SGCD: variants seen among roughly 807,000 people sequenced by gnomAD.
SGCD encodes the protein delta-sarcoglycan.
SGCD carries 18 observed loss-of-function variants against 36.6 expected under a neutral mutation model. The ratio of observed to expected loss-of-function variants is 0.49; its 90% confidence interval spans 0.34 to 0.73. The LOEUF (loss-of-function observed/expected upper bound fraction) is 0.73, where lower values mean the gene tolerates loss of function less well. Ranked by LOEUF, SGCD falls within the 30% of genes least tolerant of loss-of-function variation. The pLI is 0.01. For missense variants in SGCD, 387 were observed against 346.7 expected, an observed-to-expected ratio of 1.12 and a Z score of -0.92; for synonymous variants, 133 against 130.6, an observed-to-expected ratio of 1.02 and a Z score of -0.12.
intron 1 of SGCD, among the ~76,000 whole-genome samples, chr5:155,932,723 G>A (rs955668979): frequency 4.6e-5 from 7 of 152,066 alleles, no homozygotes; most frequent in Non-Finnish European, 8.8e-5. Context: ...TTAAATGTTA[G>A]GAGCATTTGG....
At chr5:156,444,109 TCTCTCTC>T (rs1753642897) in intron 3 of SGCD, among the ~76,000 whole-genome samples, 1 of 96,972 alleles carries the variant, frequency 1.0e-5, no homozygotes, top group Admixed American at 1.1e-4. Flanking sequence ...TCTCTCTCTC[TCTCTCTC>T]CCCTTCCCTC....
At chr5:156,515,599 TA>T (rs1757124054) in intron 4 of SGCD, among the ~76,000 whole-genome samples, 1 of 152,188 alleles carries the variant, frequency 6.6e-6, no homozygotes, top group Non-Finnish European at 1.5e-5. Context: ...GCGATTGTGC[TA>T]CCCTGCCAAG....
chr5:156,506,157 A>G (rs1479438189), intron 3 of SGCD, among the ~76,000 whole-genome samples: 1 of 152,196 alleles, frequency 6.6e-6, no homozygotes, highest in African/African-American at 2.4e-5. Flanking sequence ...CAATAGTGAC[A>G]TTGGTGTTCT....
intron 1 of SGCD, among the ~76,000 whole-genome samples, chr5:156,033,408 G>T (rs61191718): frequency 6.6e-6 from 1 of 151,748 alleles, no homozygotes; most frequent in Non-Finnish European, 1.5e-5. Flanking sequence ...TCCTTTTGGC[G>T]TCCCCAGTGT....
At chr5:156,233,601 T>A (rs1765077599) in intron 3 of SGCD, among the ~76,000 whole-genome samples, 1 of 152,190 alleles carries the variant, frequency 6.6e-6, no homozygotes, top group African/African-American at 2.4e-5. Flanking sequence ...GAAACAATGA[T>A]CTTACAGTGT....
intron 3 of SGCD, among the ~76,000 whole-genome samples, chr5:156,314,128 A>G (rs563524496): frequency 1.1e-4 from 16 of 152,124 alleles, no homozygotes; most frequent in African/African-American, 3.9e-4. Context: ...GTTTAGTCAA[A>G]AATATAAAAT....
At chr5:156,648,920 G>C (rs568267475) in intron 7 of SGCD, among the ~76,000 whole-genome samples, 1 of 152,198 alleles carries the variant, frequency 6.6e-6, no homozygotes, top group East Asian at 1.9e-4. Context: ...TCAGTGGCCT[G>C]GTTCCCATTC....
chr5:156,071,021 T>A (rs925431419), intron 1 of SGCD, among the ~76,000 whole-genome samples: 109 of 152,174 alleles, frequency 7.2e-4, no homozygotes, highest in Admixed American at 4.7e-3. Flanking sequence ...TTCTTCTCTC[T>A]TTTCTTCTTT....
chr5:155,955,720 T>C (rs1757636857), intron 1 of SGCD, among the ~76,000 whole-genome samples: 1 of 152,078 alleles, frequency 6.6e-6, no homozygotes, highest in African/African-American at 2.4e-5. Context: ...ATTACTCTGA[T>C]ATACCAATAC....
intron 4 of SGCD, among the ~76,000 whole-genome samples, chr5:156,524,032 A>G (rs999441086): frequency 5.7e-5 from 8 of 140,480 alleles, no homozygotes; most frequent in African/African-American, 2.1e-4. Context: ...CTTTTGTTAC[A>G]TGTTATTTCA....
At chr5:156,571,252 G>A (rs1759711174) in intron 4 of SGCD, among the ~76,000 whole-genome samples, 1 of 152,078 alleles carries the variant, frequency 6.6e-6, no homozygotes, top group Admixed American at 6.5e-5. Context: ...CATGATGTTG[G>A]CCAGGCTGGT....
chr5:155,963,193 C>T (rs1183455097), intron 1 of SGCD, among the ~76,000 whole-genome samples: 2 of 152,018 alleles, frequency 1.3e-5, no homozygotes, highest in African/African-American at 4.8e-5. Context: ...GGATCTTCAG[C>T]CAACCCATCA....
chr5:156,563,284 C>A (rs1759345273), intron 4 of SGCD, among the ~76,000 whole-genome samples: 1 of 152,104 alleles, frequency 6.6e-6, no homozygotes, highest in African/African-American at 2.4e-5. Flanking sequence ...GCCCAGCTGA[C>A]AGACCATTAT....
At chr5:156,401,953 C>T (rs1772175381) in intron 3 of SGCD, among the ~76,000 whole-genome samples, 1 of 152,148 alleles carries the variant, frequency 6.6e-6, no homozygotes, top group Admixed American at 6.5e-5. Context: ...TGGCAACCAG[C>T]AATCTGCTTT....
chr5:155,967,862 A>G (rs1757933495), intron 1 of SGCD, among the ~76,000 whole-genome samples: 1 of 152,076 alleles, frequency 6.6e-6, no homozygotes, highest in Non-Finnish European at 1.5e-5. Context: ...GAAGGAAAGC[A>G]CTGAGACACC....
intron 3 of SGCD, among the ~76,000 whole-genome samples, chr5:156,497,931 C>A (rs1756269517): frequency 6.6e-6 from 1 of 152,098 alleles, no homozygotes; most frequent in South Asian, 2.1e-4. Flanking sequence ...AAGCCAGTAG[C>A]TGCCTCAGTA....
At chr5:156,315,545 A>C (rs1767495947) in intron 3 of SGCD, among the ~76,000 whole-genome samples, 1 of 151,978 alleles carries the variant, frequency 6.6e-6, no homozygotes, top group South Asian at 2.1e-4. Context: ...TCTCTTCAAG[A>C]TAGTGATTTT....
chr5:156,630,547 T>TC (rs1272610718), intron 6 of SGCD, among the ~76,000 whole-genome samples: 1 of 152,240 alleles, frequency 6.6e-6, no homozygotes, highest in Non-Finnish European at 1.5e-5. Context: ...GTAGATACTG[T>TC]CATAGACCAT....
intron 3 of SGCD, among the ~76,000 whole-genome samples, chr5:156,234,144 A>T (rs1456984396): frequency 1.3e-5 from 2 of 152,184 alleles, no homozygotes; most frequent in Non-Finnish European, 2.9e-5. Flanking sequence ...GATGTGAAGC[A>T]TGTTTTTAAA....
Sources: allele counts gnomAD v4.1 joint callset (sites outside exome capture counted in the v4.1 genomes callset), GRCh38; gene constraint gnomAD v4.1.1; transcripts MANE v1.5; gene names NCBI Gene and HGNC (gene_info 2026-07-23, HGNC 2026-07-21).